The following SPPL3 variants were observed in gnomAD, a reference collection of about 807,000 sequenced individuals.
SPPL3 encodes signal peptide peptidase-like 3.
A neutral mutation model predicts 42.4 loss-of-function variants in SPPL3; 5 were observed. The observed-to-expected ratio is 0.12, with a 90% CI of 0.06 to 0.25. The LOEUF is 0.25. SPPL3 is among the 10% of genes least tolerant of loss of function. SPPL3 has a pLI of 1.00. For missense variants in SPPL3, 235 were observed against 489.0 expected (o/e 0.48, Z 4.90); for synonymous variants, 195 against 181.8 (o/e 1.07, Z -0.58).
intron 1 of SPPL3, among the ~76,000 whole-genome samples, chr12:120,895,399 C>G (rs1340766727): frequency 6.6e-6 from 1 of 151,364 alleles, no homozygotes; most frequent in Non-Finnish European, 1.5e-5. Flanking sequence ...TGTACTCCAG[C>G]CTGGGTGACA....
chr12:120,835,472 T>C (rs759435614), intron 1 of SPPL3: 6 of 152,216 alleles, frequency 3.9e-5, no homozygotes, highest in Non-Finnish European at 2.9e-5. Flanking sequence ...GACGATGAAG[T>C]CTAAGATCTA....
chr12:120,898,295 TG>T (rs1404890152), intron 1 of SPPL3, among the ~76,000 whole-genome samples: 3 of 109,348 alleles, frequency 2.7e-5, no homozygotes, highest in African/African-American at 3.6e-5. Context: ...AGCAAGACTC[TG>T]TTTTTTTTTT....
At chr12:120,819,351 T>C (rs1380931913) in intron 1 of SPPL3, among the ~76,000 whole-genome samples, 1 of 152,200 alleles carries the variant, frequency 6.6e-6, no homozygotes, top group Admixed American at 6.5e-5. Context: ...TGCTGAGTTA[T>C]GCCGCTCTTC....
intron 4 of SPPL3, chr12:120,784,074 A>G (rs531055838): frequency 2.5e-5 from 7 of 277,694 alleles, no homozygotes; most frequent in Non-Finnish European, 4.1e-5. Context: ...CAAAGAGCTG[A>G]CAGTCCAATC....
chr12:120,861,758 G>C (rs1872623000), intron 1 of SPPL3, among the ~76,000 whole-genome samples: 1 of 152,082 alleles, frequency 6.6e-6, no homozygotes. Flanking sequence ...TCTTCTAACA[G>C]GTTATCTTAT....
At chr12:120,891,252 G>A (rs1873631419) in intron 1 of SPPL3, among the ~76,000 whole-genome samples, 1 of 152,126 alleles carries the variant, frequency 6.6e-6, no homozygotes, top group South Asian at 2.1e-4. Context: ...TTAGGCCTGT[G>A]AGTTTTCACC....
At chr12:120,807,374 C>A (rs896809632) in intron 2 of SPPL3, among the ~76,000 whole-genome samples, 4 of 151,960 alleles carry the variant, frequency 2.6e-5, no homozygotes, top group Non-Finnish European at 4.4e-5. Context: ...TAGCCCCTAA[C>A]AATTACAAAG....
At chr12:120,776,824 G>A (rs996794977) in intron 6 of SPPL3, among the ~76,000 whole-genome samples, 1 of 152,212 alleles carries the variant, frequency 6.6e-6, no homozygotes, top group Non-Finnish European at 1.5e-5. Flanking sequence ...AAAGTTAGCA[G>A]TGGGATTACT....
chr12:120,862,734 C>G (rs938115495), intron 1 of SPPL3, among the ~76,000 whole-genome samples: 2 of 152,090 alleles, frequency 1.3e-5, no homozygotes, highest in Non-Finnish European at 2.9e-5. Context: ...TTTGGAGGTT[C>G]CATTACACAG....
intron 1 of SPPL3, among the ~76,000 whole-genome samples, chr12:120,813,132 T>C (rs1408890420): frequency 6.6e-6 from 1 of 151,590 alleles, no homozygotes; most frequent in African/African-American, 2.4e-5. Flanking sequence ...AAGATTATCT[T>C]TTTTTTTTAA....
At chr12:120,864,611 C>T (rs1167479981) in intron 1 of SPPL3, among the ~76,000 whole-genome samples, 2 of 152,144 alleles carry the variant, frequency 1.3e-5, no homozygotes, top group South Asian at 4.1e-4. Flanking sequence ...ATTATCAGTC[C>T]TTTCATTTTT....
chr12:120,843,052 T>C (rs935560735), intron 1 of SPPL3, among the ~76,000 whole-genome samples: 2 of 152,150 alleles, frequency 1.3e-5, no homozygotes, highest in African/African-American at 4.8e-5. Flanking sequence ...CTCAGTTAGT[T>C]AGTATATCCC....
chr12:120,897,975 A>G (rs866760447), intron 1 of SPPL3, among the ~76,000 whole-genome samples: 7 of 152,136 alleles, frequency 4.6e-5, no homozygotes, highest in African/African-American at 1.4e-4. Flanking sequence ...ACAACAATAC[A>G]TCACCTCAAT....
chr12:120,886,134 C>T (rs578030987), intron 1 of SPPL3, among the ~76,000 whole-genome samples: 362 of 150,780 alleles, frequency 2.4e-3, no homozygotes, highest in Non-Finnish European at 1.6e-3. Flanking sequence ...TGAGCCACCA[C>T]GCCCGGCCAA....
At position 120,895,305 on chromosome 12, in the gene SPPL3, T is replaced by C. The variant is rs1051532164; in HGVS notation, c.23+8540A>G. On this transcript the variant is annotated intron_variant, in intron 1 of 10. Transcript: ENST00000353487. ...AGCCGCGTGTATTGGCGCGCAGCTA[T>C]AAACCCAGCTACTTTGGAGGCTGAG... 5.3e-5 allele frequency among the ~76,000 whole-genome samples: 8 copies of C among 151,444 alleles called. 1 individual carries two copies. Among genetic ancestry groups the C allele is most frequent in the African/African-American group, 1.9e-4 (8 of 41,166 alleles).
intron 1 of SPPL3, among the ~76,000 whole-genome samples, chr12:120,847,690 G>A (rs896829607): frequency 3.3e-5 from 5 of 151,054 alleles, no homozygotes; most frequent in South Asian, 2.1e-4. Context: ...CTTGGCTTCC[G>A]AAAGTGCTAG....
At chr12:120,768,613 A>T in intron 7 of SPPL3, 125 bp from the exon 8 acceptor site, 1 of 1,124,554 alleles carries the variant, frequency 8.9e-7, no homozygotes, top group African/African-American at 1.6e-5. Flanking sequence ...CGTTGACTGT[A>T]TGATTTGAGA....
chr12:120,857,725 C>A (rs1237165829), intron 1 of SPPL3, among the ~76,000 whole-genome samples: 2 of 152,118 alleles, frequency 1.3e-5, no homozygotes, highest in African/African-American at 4.8e-5. Flanking sequence ...GAACAGAAAA[C>A]CAAATATCAC....
At chr12:120,768,515 C>T in intron 7 of SPPL3, 27 bp from the exon 8 acceptor site, 1 of 1,595,896 alleles carries the variant, frequency 6.3e-7, no homozygotes, top group Admixed American at 1.7e-5. Context: ...ATGCCTTTAA[C>T]AGAGGGAGTT....
Sources: allele counts gnomAD v4.1 joint callset (sites outside exome capture counted in the v4.1 genomes callset), GRCh38; gene constraint gnomAD v4.1.1; transcripts MANE v1.5; gene names NCBI Gene and HGNC (gene_info 2026-07-23, HGNC 2026-07-21).